The following HSD17B12 variants were observed in gnomAD, a reference collection of about 807,000 sequenced individuals.
The protein encoded by HSD17B12 is hydroxysteroid 17-beta dehydrogenase 12.
Under a neutral mutation model 39.3 loss-of-function variants are expected in HSD17B12, and 32 were observed. The ratio of observed to expected loss-of-function variants is 0.81; its 90% CI spans 0.61 to 1.09. The LOEUF (loss-of-function observed/expected upper bound fraction) is 1.09, where lower values mean the gene tolerates loss of function less well. Among genes scored for constraint, HSD17B12 ranks in the 50% least tolerant of loss-of-function variants. The pLI is 0.00. For missense variants in HSD17B12, 342 were observed against 382.9 expected, an observed-to-expected ratio of 0.89 and a Z score of 0.89; for synonymous variants, 150 against 146.7, an observed-to-expected ratio of 1.02 and a Z score of -0.16.
At chr11:43,590,438 A>C in the HSD17B12 span, among the ~76,000 whole-genome samples, 1 of 24,922 alleles carries the variant, frequency 4.0e-5, no homozygotes, top group Non-Finnish European at 9.6e-5. Context: ...TAAGTTTAGC[A>C]AAAAAAAAAA....
chr11:43,746,298 AAC>A (rs1430620798), intron 1 of HSD17B12, among the ~76,000 whole-genome samples: 3 of 152,236 alleles, frequency 2.0e-5, no homozygotes, highest in African/African-American at 4.8e-5. Context: ...TTAAAAAAGA[AAC>A]ACATTGTATA....
At chr11:43,557,808 C>T in the HSD17B12 span, among the ~76,000 whole-genome samples, 1 of 151,988 alleles carries the variant, frequency 6.6e-6, no homozygotes, top group African/African-American at 2.4e-5. Flanking sequence ...CAGCCAGGGT[C>T]TGTCAGTCTG....
intron 7 of HSD17B12, among the ~76,000 whole-genome samples, chr11:43,832,697 C>G (rs1951324006): frequency 6.6e-6 from 1 of 152,120 alleles, no homozygotes; most frequent in Admixed American, 6.5e-5. Context: ...TTCATTTAGT[C>G]AAGCGTCTCA....
intron 3 of HSD17B12, among the ~76,000 whole-genome samples, chr11:43,787,450 T>C (rs768563201): frequency 6.6e-6 from 1 of 152,062 alleles, no homozygotes; most frequent in Non-Finnish European, 1.5e-5. Context: ...ATGAAGTAAA[T>C]ACTTGGCCGG....
chr11:43,567,963 T>A, the HSD17B12 span, among the ~76,000 whole-genome samples: 5 of 152,144 alleles, frequency 3.3e-5, no homozygotes, highest in East Asian at 9.6e-4. Context: ...GAAGCAAGAG[T>A]CAACGGACAA....
intron 3 of HSD17B12, among the ~76,000 whole-genome samples, chr11:43,762,528 G>T (rs1950563491): frequency 6.6e-6 from 1 of 152,206 alleles, no homozygotes; most frequent in Non-Finnish European, 1.5e-5. Context: ...TATGGCCGGG[G>T]CCCTTAGACA....
intron 1 of HSD17B12, among the ~76,000 whole-genome samples, chr11:43,730,033 T>G (rs1043226833): frequency 6.6e-6 from 1 of 152,122 alleles, no homozygotes; most frequent in Non-Finnish European, 1.5e-5. Flanking sequence ...TTAAAACTTG[T>G]GGATGTGTGT....
intron 1 of HSD17B12, among the ~76,000 whole-genome samples, chr11:43,701,426 G>A (rs1042061904): frequency 2.0e-5 from 3 of 152,152 alleles, no homozygotes; most frequent in Non-Finnish European, 4.4e-5. Context: ...ATGTCCTTGA[G>A]ATTTTCTCTA....
intron 1 of HSD17B12, among the ~76,000 whole-genome samples, chr11:43,728,978 A>G (rs1252386198): frequency 2.0e-5 from 3 of 152,154 alleles, no homozygotes; most frequent in Non-Finnish European, 4.4e-5. Context: ...TACTATATCT[A>G]TATGCTATTA....
the HSD17B12 span, among the ~76,000 whole-genome samples, chr11:43,568,092 T>TTTTATTTA: frequency 4.6e-5 from 7 of 152,134 alleles, no homozygotes; most frequent in African/African-American, 1.7e-4. Flanking sequence ...ATTCTTTTAA[T>TTTTATTTA]TTTATTTATT....
intron 4 of HSD17B12, among the ~76,000 whole-genome samples, chr11:43,803,228 G>A (rs7126905): frequency 0.22 from 33,784 of 151,930 alleles, 3,995 homozygotes; most frequent in Middle Eastern, 0.37. Flanking sequence ...ACTTGTTGTG[G>A]GGAGGTCTGA....
chr11:43,605,129 A>C, the HSD17B12 span, among the ~76,000 whole-genome samples: 1 of 152,204 alleles, frequency 6.6e-6, no homozygotes, highest in African/African-American at 2.4e-5. Flanking sequence ...ACTAGAGATA[A>C]TTCCCCGGGA....
intron 3 of HSD17B12, among the ~76,000 whole-genome samples, chr11:43,767,834 G>A (rs1950609405): frequency 6.6e-6 from 1 of 152,162 alleles, no homozygotes; most frequent in Non-Finnish European, 1.5e-5. Context: ...GTTTAATGCT[G>A]TAGAGATGTA....
At chr11:43,783,030 A>G (rs61883808) in intron 3 of HSD17B12, among the ~76,000 whole-genome samples, 5,782 of 152,304 alleles carry the variant, frequency 0.038, 156 homozygotes, top group Non-Finnish European at 0.054. Context: ...GTTGAGGGAC[A>G]TTCTACAAAG....
At chr11:43,637,323 C>G in the HSD17B12 span, among the ~76,000 whole-genome samples, 1 of 149,928 alleles carries the variant, frequency 6.7e-6, no homozygotes. Context: ...CAGGTTCCAG[C>G]GATTCTCCTG....
At chr11:43,739,887 A>G (rs1032861604) in intron 1 of HSD17B12, among the ~76,000 whole-genome samples, 2 of 152,214 alleles carry the variant, frequency 1.3e-5, no homozygotes, top group Non-Finnish European at 1.5e-5. Context: ...AAGACCTTGT[A>G]AAGAATGAGG....
At chr11:43,794,736 G>T (rs1950900970) in intron 3 of HSD17B12, among the ~76,000 whole-genome samples, 1 of 152,074 alleles carries the variant, frequency 6.6e-6, no homozygotes, top group Admixed American at 6.6e-5. Context: ...CCACAATTAG[G>T]GCAACATGAG....
At chr11:43,855,117 C>T in intron 10 of HSD17B12, 27 bp from the exon 11 acceptor site, 1 of 1,441,646 alleles carries the variant, frequency 6.9e-7, no homozygotes, top group Non-Finnish European at 9.6e-7. Flanking sequence ...GCTATAATTA[C>T]ATATCTCTCT....
At chr11:43,817,435 G>C (rs1012943365) in intron 6 of HSD17B12, among the ~76,000 whole-genome samples, 5 of 152,132 alleles carry the variant, frequency 3.3e-5, no homozygotes, top group African/African-American at 1.2e-4. Context: ...CCAATGTTTA[G>C]AAGGGTTTTT....
Sources: allele counts gnomAD v4.1 joint callset (sites outside exome capture counted in the v4.1 genomes callset), GRCh38; gene constraint gnomAD v4.1.1; transcripts MANE v1.5; gene names NCBI Gene and HGNC (gene_info 2026-07-23, HGNC 2026-07-21).